ARHGAP23: variants seen among roughly 807,000 people sequenced by gnomAD.
ARHGAP23 encodes the protein rho GTPase-activating protein 23.
A neutral mutation model predicts 136.3 loss-of-function variants in ARHGAP23; 34 were observed. That is an observed-to-expected ratio of 0.25 (90% CI 0.19 to 0.33). ARHGAP23 has a LOEUF of 0.33. ARHGAP23 is among the 10% of genes least tolerant of loss of function. The probability of loss-of-function intolerance (pLI) is 1.00; values close to 1 mark genes in which losing one functional copy is unlikely to be tolerated. For synonymous variants in ARHGAP23, 832 were observed against 920.5 expected (o/e 0.90, Z 1.74); for missense variants, 1,808 against 2,139.0 (o/e 0.85, Z 3.05).
At position 38,510,738 on chromosome 17, in the gene ARHGAP23, G is replaced by A; in HGVS notation, c.4242G>A (p.Leu1414=). Reference sequence around the variant, plus strand: ...ACACCGTGGTGGTGCAGAGCCCGCTGACTGACCTCAACTTCAACGAGTGGA... The same window carrying A: ...ACACCGTGGTGGTGCAGAGCCCGCTAACTGACCTCAACTTCAACGAGTGGA... ...RRHTVVVQSP[L]TDLNFNEWKE... The change falls in exon 24 of 24, where the codon CTG becomes CTA. Residue 1414 remains leucine, a synonymous_variant. Coordinates refer to ENST00000622683, the MANE Select transcript of ARHGAP23 (RefSeq NM_001199417.2). This position sits in a 1 kb window ranked among gnomAD's most constrained non-coding sequence, Gnocchi z 4.6. 6.8e-7 allele frequency: 1 copy of A among 1,481,314 alleles called. No individual in the cohort carries two copies. Among genetic ancestry groups the A allele is most frequent in the Non-Finnish European group, 8.9e-7 (1 of 1,118,762 alleles). The allele number at this position is 1,481,314 out of a possible 1,614,324, so 91.8% of individuals were successfully genotyped here.
intron 1 of ARHGAP23, 33 bp downstream of exon 1, chr17:38,428,581 C>A: frequency 7.3e-7 from 1 of 1,362,278 alleles, no homozygotes. Flanking sequence ...GTGGGCGGGG[C>A]CGGTAGCTGC....
intron 22 of ARHGAP23, among the ~76,000 whole-genome samples, chr17:38,500,101 G>T (rs2040488583): frequency 6.6e-6 from 1 of 152,134 alleles, no homozygotes; most frequent in Non-Finnish European, 1.5e-5. Context: ...TATTCATGTG[G>T]TCCCTCTTCT....
intron 11 of ARHGAP23, among the ~76,000 whole-genome samples, chr17:38,476,652 G>A (rs1199636972): frequency 6.6e-6 from 1 of 152,182 alleles, no homozygotes; most frequent in African/African-American, 2.4e-5. Context: ...CTTGAGGGAG[G>A]TGTGCAGGGA....
chr17:38,471,283 T>A (rs1460467860), intron 10 of ARHGAP23, among the ~76,000 whole-genome samples: 4 of 152,244 alleles, frequency 2.6e-5, no homozygotes, highest in Non-Finnish European at 5.9e-5. Flanking sequence ...TGATTATAGA[T>A]GGACTGGAAA....
At chr17:38,493,180 T>C (rs1235879353) in intron 20 of ARHGAP23, among the ~76,000 whole-genome samples, 1 of 150,290 alleles carries the variant, frequency 6.7e-6, no homozygotes, top group African/African-American at 2.4e-5. Flanking sequence ...TCTCTTTCTC[T>C]CTCTCTCTTT....
Position 38,466,608 on chromosome 17 carries a change from G to C in ARHGAP23, c.925G>C (p.Ala309Pro). The C allele has an allele frequency of 6.6e-7, 1 of 1,511,786 alleles. No individual in the cohort carries two copies. 93.6% of individuals were successfully genotyped at this position (1,511,786 alleles called of 1,614,324 possible). A position where few individuals can be genotyped will look rare whatever the true frequency, so the allele number is the denominator to read the frequency against. ...GGGGGAGAGACGGTGCCCAGCCATG[G>C]CCCCCCGGGCCCGCAGCGCCTCCCA... is the stretch of plus-strand genomic sequence containing the variant. ...RAGERRCPAM[A>P]PRARSASQDR... The change falls in exon 7 of 24, where the codon GCC becomes CCC. Residue 309 changes from alanine to proline, a missense_variant. This residue lies in a region of ARHGAP23 where 859 missense variants were observed against 936.4 expected (regional missense o/e 0.92). Transcript: ENST00000622683.
chr17:38,439,673 GA>G (rs1199152855), intron 1 of ARHGAP23, among the ~76,000 whole-genome samples: 1 of 152,194 alleles, frequency 6.6e-6, no homozygotes, highest in Non-Finnish European at 1.5e-5. Context: ...AATAACTGTG[GA>G]AACAGAAGCT....
In ARHGAP23 at chr17:38,510,147, G is replaced by A. The variant is rs1251662462; in HGVS notation, c.3651G>A (p.Leu1217=). ...PGTQERPQGP[L]PGAVAPEAPG... is the part of the protein sequence containing the mutation. ...CTCAGGAGCGGCCGCAGGGGCCGCT[G>A]CCTGGCGCCGTCGCCCCCGAGGCCC... The change falls in exon 24 of 24, where the codon CTG becomes CTA. Residue 1217 remains leucine, a synonymous_variant. Coordinates refer to ENST00000622683, the MANE Select transcript of ARHGAP23 (RefSeq NM_001199417.2). The surrounding 1 kb of genome is among the most constrained non-coding windows in gnomAD (Gnocchi z 4.6). 7.8e-7 allele frequency: 1 copy of A among 1,280,322 alleles called. No individual in the cohort carries two copies. Among genetic ancestry groups the A allele is most frequent in the Non-Finnish European group, 9.8e-7 (1 of 1,021,162 alleles). The allele number at this position is 1,280,322 out of a possible 1,614,324, so 79.3% of individuals were successfully genotyped here. A position where few individuals can be genotyped will look rare whatever the true frequency, so the allele number is the denominator to read the frequency against.
intron 1 of ARHGAP23, among the ~76,000 whole-genome samples, chr17:38,438,636 G>C (rs779878115): frequency 4.1e-5 from 6 of 147,646 alleles, no homozygotes; most frequent in Non-Finnish European, 6.1e-5. Flanking sequence ...AGCAGACCAG[G>C]TGAAAGGAGA....
At position 38,466,385 on chromosome 17, in the gene ARHGAP23, T is replaced by C. The variant is rs1397653009; in HGVS notation, c.702T>C (p.Pro234=). ...AWSDPGLRVP[P]AARAHLDNSS... ...GTGACCCGGGGCTCCGTGTGCCACC[T>C]GCTGCCCGTGCCCACCTGGACAACT... The change falls in exon 7 of 24, where the codon CCT becomes CCC. Residue 234 remains proline (P), a synonymous_variant. Coordinates refer to ENST00000622683, the MANE Select transcript of ARHGAP23 (RefSeq NM_001199417.2). 5 of 1,535,334 alleles carry C rather than the reference T, an allele frequency of 3.3e-6. No individual in the cohort carries two copies. The South Asian group carries it at 4.8e-5, about 15-fold the overall frequency.
intron 1 of ARHGAP23, among the ~76,000 whole-genome samples, chr17:38,436,568 G>A (rs948936920): frequency 5.3e-5 from 8 of 152,206 alleles, no homozygotes; most frequent in African/African-American, 9.7e-5. Flanking sequence ...CGTGCTCTGC[G>A]TTCCAGGCTC....
intron 17 of ARHGAP23, among the ~76,000 whole-genome samples, chr17:38,488,336 T>C (rs2040201327): frequency 6.6e-6 from 1 of 152,262 alleles, no homozygotes; most frequent in Non-Finnish European, 1.5e-5. Flanking sequence ...GCATATTGGC[T>C]GTTTCTATTT....
At position 38,475,107 on chromosome 17, in the gene ARHGAP23, C is replaced by T. The variant is rs1437463534; in HGVS notation, c.2119-2472C>T. Among the ~76,000 whole-genome samples, 7 of 152,242 alleles carry T rather than the reference C, an allele frequency of 4.6e-5. No individual in the cohort carries two copies. The South Asian group carries it at 1.4e-3, about 31-fold the overall frequency. On this transcript the variant is annotated intron_variant, in intron 11 of 23. Coordinates refer to ENST00000622683, the MANE Select transcript of ARHGAP23 (RefSeq NM_001199417.2). ...TGTTCTCTTGGTGCCGTGGCCTGGA[C>T]GTTAGAGGAGAGTCTTCAAGTCAGC... is the stretch of plus-strand genomic sequence containing the variant.
At chr17:38,503,694 T>TAA (rs1361540808) in intron 23 of ARHGAP23, among the ~76,000 whole-genome samples, 2 of 152,218 alleles carry the variant, frequency 1.3e-5, no homozygotes, top group East Asian at 3.9e-4. Context: ...CGCTAGCAGT[T>TAA]ACCGCTTCCC....
chr17:38,496,358 C>T (rs557809131), intron 20 of ARHGAP23, among the ~76,000 whole-genome samples: 49 of 151,988 alleles, frequency 3.2e-4, no homozygotes, highest in African/African-American at 1.2e-3. Flanking sequence ...CCTGTAGTCC[C>T]AGCTATTCAG....
intron 14 of ARHGAP23, among the ~76,000 whole-genome samples, chr17:38,480,412 T>A (rs1197075949): frequency 3.3e-5 from 5 of 152,058 alleles, no homozygotes; most frequent in African/African-American, 1.2e-4. Flanking sequence ...GGTGGGCGGA[T>A]CACGAGGTCA....
Position 38,510,151 on chromosome 17 carries a change from G to C in ARHGAP23, c.3655G>C (p.Gly1219Arg). ...TQERPQGPLP[G>R]AVAPEAPGRL... Reference sequence around the variant, plus strand: ...GGAGCGGCCGCAGGGGCCGCTGCCTGGCGCCGTCGCCCCCGAGGCCCCCGG... The same window carrying C: ...GGAGCGGCCGCAGGGGCCGCTGCCTCGCGCCGTCGCCCCCGAGGCCCCCGG... The change falls in exon 24 of 24, where the codon GGC (glycine) becomes CGC (arginine). Residue 1219 changes from glycine (G) to arginine (R), a missense_variant. Gly to Arg is a moderately radical substitution (Grantham distance 125, BLOSUM62 -2). Transcript: ENST00000622683. This position sits in a 1 kb window ranked among gnomAD's most constrained non-coding sequence, Gnocchi z 4.6. 1.6e-6 allele frequency: 2 copies of C among 1,281,316 alleles called. No individual in the cohort carries two copies. Among genetic ancestry groups the C allele is most frequent in the South Asian group, 3.0e-5 (1 of 33,816 alleles). 79.4% of individuals were successfully genotyped at this position (1,281,316 alleles called of 1,614,324 possible). A position where few individuals can be genotyped will look rare whatever the true frequency, so the allele number is the denominator to read the frequency against.
intron 1 of ARHGAP23, among the ~76,000 whole-genome samples, chr17:38,445,075 T>C (rs1171901160): frequency 6.6e-6 from 1 of 151,936 alleles, no homozygotes; most frequent in Non-Finnish European, 1.5e-5. Context: ...GCCTCGGCCT[T>C]CCAAAGTGCT....
chr17:38,449,008 G>A (rs945352281), intron 1 of ARHGAP23, among the ~76,000 whole-genome samples: 3 of 151,976 alleles, frequency 2.0e-5, no homozygotes, highest in Admixed American at 6.6e-5. Flanking sequence ...TTGTAGAGAC[G>A]GGGTTTCGCT....
Sources: allele counts gnomAD v4.1 joint callset (sites outside exome capture counted in the v4.1 genomes callset), GRCh38; gene constraint gnomAD v4.1.1; regional missense constraint gnomAD v4.1.1; non-coding constraint Gnocchi (gnomAD v3.1); transcripts MANE v1.5; gene names NCBI Gene and HGNC (gene_info 2026-07-23, HGNC 2026-07-21).